The following RICTOR variants were observed in gnomAD, a reference collection of about 807,000 sequenced individuals.
RICTOR encodes the protein rapamycin-insensitive companion of mTOR.
RICTOR carries 49 observed loss-of-function variants against 214.9 expected under a neutral mutation model. The observed-to-expected ratio is 0.23, with a 90% CI of 0.18 to 0.29. RICTOR has a LOEUF of 0.29. Among genes scored for constraint, RICTOR ranks in the 10% least tolerant of loss-of-function variants. The pLI, the probability that RICTOR is intolerant of heterozygous loss-of-function variation, is 1.00. For missense variants in RICTOR, 1,625 were observed against 2,047.0 expected (o/e 0.79, Z 3.98); for synonymous variants, 717 against 711.3 (o/e 1.01, Z -0.13).
rs376810064 is a variant in RICTOR at position 38,990,734 on chromosome 5, A to C, written c.583+215T>G. ...GATATATATGATATATATCATATAT[A>C]TGATATATATGAGATATATGATATA... is the stretch of plus-strand genomic sequence containing the variant. On this transcript the variant is annotated intron_variant, in intron 7 of 37. Coordinates refer to ENST00000357387, the MANE Select transcript of RICTOR (RefSeq NM_152756.5). 5.3e-3 allele frequency among the ~76,000 whole-genome samples: 27 copies of C among 5,108 alleles called. 1 individual carries two copies. Among genetic ancestry groups the C allele is most frequent in the Admixed American group, 9.7e-3 (4 of 412 alleles). The allele number at this position is 5,108 out of a possible 152,430, so 3.4% of individuals were successfully genotyped here.
At chr5:38,958,906 T>C in intron 22 of RICTOR, 75 bp from the exon 23 acceptor site, 1 of 1,064,604 alleles carries the variant, frequency 9.4e-7, no homozygotes, top group Non-Finnish European at 1.3e-6. Flanking sequence ...TATTTTGGGA[T>C]AGTCCTGCTA....
At chr5:38,997,341 T>C (rs1468209242) in intron 5 of RICTOR, among the ~76,000 whole-genome samples, 2 of 152,316 alleles carry the variant, frequency 1.3e-5, no homozygotes, top group East Asian at 3.9e-4. Flanking sequence ...AAAATATAAT[T>C]TGAATTCTGA....
chr5:39,048,735 C>G (rs1757655345), intron 2 of RICTOR, among the ~76,000 whole-genome samples: 2 of 152,148 alleles, frequency 1.3e-5, no homozygotes, highest in African/African-American at 2.4e-5. Context: ...AGGATGGTAT[C>G]TGGGACCTGC....
At position 38,950,392 on chromosome 5, in the gene RICTOR, A is replaced by C; in HGVS notation, c.3456T>G (p.Thr1152=). The C allele has an allele frequency of 6.2e-7, 1 of 1,613,320 alleles. No individual in the cohort carries two copies. Among genetic ancestry groups the C allele is most frequent in the Non-Finnish European group, 8.5e-7 (1 of 1,179,462 alleles). The part of the protein sequence containing the change: ...NHSDDFTPIS[T]VQKTLQLETS... ...TCTCTAATTGTAATGTTTTCTGTAC[A>C]GTGGATATGGGTGTAAAATCATCAC... The change falls in exon 31 of 38, where the codon ACT becomes ACG. Residue 1152 remains threonine, a synonymous_variant. Coordinates refer to ENST00000357387, the MANE Select transcript of RICTOR (RefSeq NM_152756.5).
Position 38,974,496 on chromosome 5 carries a change from G to T in RICTOR, c.889+1041C>A, listed in dbSNP as rs115665995. Among the ~76,000 whole-genome samples, 485 of 152,248 alleles carry T rather than the reference G, an allele frequency of 3.2e-3. 6 individuals carry two copies. The highest frequency in any genetic ancestry group is 0.011 in the African/African-American group (468 of 41,564). On this transcript the variant is annotated intron_variant, in intron 10 of 37. Transcript: ENST00000357387. ...AGAATAAGGAGATAGTAGCTAGGAT[G>T]CAGGATAGAATTAATTTTTTTGGTA... is the stretch of plus-strand genomic sequence containing the variant.
Position 38,978,162 on chromosome 5 carries a change from A to G in RICTOR, c.821+421T>C, listed in dbSNP as rs10572354. ...TATACTGTCTCATTTCTAGATAATA[A>G]TATTTACTCTATTCTCATTTATTTC... is the stretch of plus-strand genomic sequence containing the variant. On this transcript the variant is annotated intron_variant, in intron 9 of 37. Coordinates refer to ENST00000357387, the MANE Select transcript of RICTOR (RefSeq NM_152756.5). 7.6e-3 allele frequency among the ~76,000 whole-genome samples: 1,097 copies of G among 143,738 alleles called. 16 individuals carry two copies. The highest frequency in any genetic ancestry group is 0.026 in the African/African-American group (1,052 of 39,720). 94.3% of individuals were successfully genotyped at this position (143,738 alleles called of 152,430 possible). A position where few individuals can be genotyped will look rare whatever the true frequency, so the allele number is the denominator to read the frequency against.
intron 7 of RICTOR, among the ~76,000 whole-genome samples, chr5:38,987,655 C>A (rs528106257): frequency 1.8e-4 from 28 of 152,100 alleles, no homozygotes; most frequent in African/African-American, 6.5e-4. Flanking sequence ...TTTCAAAAAA[C>A]CAGCTCCTGG....
chr5:39,035,967 G>A (rs902830074), intron 2 of RICTOR, among the ~76,000 whole-genome samples: 11 of 150,566 alleles, frequency 7.3e-5, no homozygotes, highest in African/African-American at 2.5e-4. Context: ...CACACAGAAC[G>A]CCACAAAGAT....
At chr5:39,028,175 CTTTTTTTTT>C (rs70982535) in intron 2 of RICTOR, among the ~76,000 whole-genome samples, 25 of 78,438 alleles carry the variant, frequency 3.2e-4, no homozygotes, top group South Asian at 2.6e-3. Context: ...AACTGGAATT[CTTTTTTTTT>C]TTTTTTTTTT....
intron 28 of RICTOR, 32 bp from the exon 29 acceptor site, chr5:38,953,123 TAA>T (rs766185012): frequency 7.2e-7 from 1 of 1,382,322 alleles, no homozygotes; most frequent in African/African-American, 1.4e-5. Context: ...ACATCAAATA[TAA>T]GAGTCACTCT....
chr5:38,957,369 G>A (rs982594551), intron 25 of RICTOR, among the ~76,000 whole-genome samples: 1 of 152,020 alleles, frequency 6.6e-6, no homozygotes, highest in Non-Finnish European at 1.5e-5. Flanking sequence ...GATAAACAGG[G>A]CCAAAAATTA....
intron 3 of RICTOR, among the ~76,000 whole-genome samples, chr5:39,018,497 C>T (rs919163730): frequency 6.6e-6 from 1 of 152,088 alleles, no homozygotes; most frequent in African/African-American, 2.4e-5. Context: ...CAAAAGCATG[C>T]GCTCACTTTG....
intron 5 of RICTOR, 79 bp from the exon 6 acceptor site, chr5:38,996,961 C>A: frequency 1.1e-6 from 1 of 898,600 alleles, no homozygotes; most frequent in Non-Finnish European, 1.9e-6. Context: ...ATAGATGAAA[C>A]CCATTTTCAC....
At chr5:38,959,722 A>T in intron 21 of RICTOR, 57 bp downstream of exon 21, 1 of 1,117,732 alleles carries the variant, frequency 8.9e-7, no homozygotes, top group Non-Finnish European at 1.4e-6. Context: ...TACCATATCT[A>T]ACTACATTAA....
At chr5:39,050,472 G>A (rs550341790) in intron 2 of RICTOR, among the ~76,000 whole-genome samples, 1 of 152,134 alleles carries the variant, frequency 6.6e-6, no homozygotes, top group Admixed American at 6.5e-5. Flanking sequence ...AAGTTGCTGG[G>A]ACTACAGGTG....
intron 2 of RICTOR, among the ~76,000 whole-genome samples, chr5:39,064,648 C>T (rs1758776051): frequency 2.0e-5 from 3 of 152,054 alleles, no homozygotes; most frequent in Non-Finnish European, 2.9e-5. Flanking sequence ...GACCTGGGAG[C>T]GGGAGGAGGC....
chr5:39,014,739 G>A (rs1476967058), intron 3 of RICTOR, among the ~76,000 whole-genome samples: 1 of 152,124 alleles, frequency 6.6e-6, no homozygotes, highest in African/African-American at 2.4e-5. Flanking sequence ...GTGAGATGAT[G>A]TCAGAAGGCA....
At chr5:38,981,741 T>G (rs1012807058) in intron 8 of RICTOR, 126 bp downstream of exon 8, 17 of 601,592 alleles carry the variant, frequency 2.8e-5, no homozygotes, top group Non-Finnish European at 4.5e-5. Flanking sequence ...TGGGAATAAA[T>G]TAGTGTCGGC....
chr5:39,032,059 TCCCAAGGATAG>T (rs1472905348), intron 2 of RICTOR, among the ~76,000 whole-genome samples: 3 of 152,212 alleles, frequency 2.0e-5, no homozygotes, highest in Non-Finnish European at 1.5e-5. Flanking sequence ...AAAGGCTGTA[TCCCAAGGATAG>T]CATCTTCTGA....
Sources: allele counts gnomAD v4.1 joint callset (sites outside exome capture counted in the v4.1 genomes callset), GRCh38; gene constraint gnomAD v4.1.1; transcripts MANE v1.5; gene names NCBI Gene and HGNC (gene_info 2026-07-23, HGNC 2026-07-21).